GRM7: variants seen among roughly 807,000 people sequenced by gnomAD.
GRM7 encodes the protein glutamate metabotropic receptor 7.
Under a neutral mutation model 84.5 loss-of-function variants are expected in GRM7, and 35 were observed. The ratio of observed to expected loss-of-function variants is 0.41; its 90% confidence interval spans 0.32 to 0.55. GRM7 has a LOEUF of 0.55. Among genes scored for constraint, GRM7 ranks in the 20% least tolerant of loss-of-function variants. The probability of loss-of-function intolerance (pLI) is 0.19; values close to 1 mark genes in which losing one functional copy is unlikely to be tolerated. For missense variants in GRM7, 1,003 were observed against 1,194.6 expected, an observed-to-expected ratio of 0.84 and a Z score of 2.36; for synonymous variants, 487 against 455.1, an observed-to-expected ratio of 1.07 and a Z score of -0.89.
intron 1 of GRM7, among the ~76,000 whole-genome samples, chr3:6,894,833 A>T (rs966331766): frequency 1.3e-5 from 2 of 152,280 alleles, no homozygotes; most frequent in African/African-American, 4.8e-5. Flanking sequence ...AGTTGTAGAG[A>T]TGCCCTGGCT....
intron 2 of GRM7, among the ~76,000 whole-genome samples, chr3:7,234,947 A>C (rs1287862540): frequency 6.6e-6 from 1 of 152,206 alleles, no homozygotes; most frequent in Non-Finnish European, 1.5e-5. Flanking sequence ...CTTCTGCAAA[A>C]TAATGTTCAT....
intron 4 of GRM7, among the ~76,000 whole-genome samples, chr3:7,373,102 A>G (rs2324122): frequency 0.39 from 59,285 of 151,916 alleles, 11,940 homozygotes; most frequent in East Asian, 0.58. Flanking sequence ...TCTTTCAAGG[A>G]CACTCAGTAT....
intron 5 of GRM7, among the ~76,000 whole-genome samples, chr3:7,448,918 A>G (rs1252490868): frequency 1.3e-5 from 2 of 152,124 alleles, no homozygotes; most frequent in Non-Finnish European, 1.5e-5. Context: ...TTCATAGTAT[A>G]TATTTTATAA....
chr3:7,451,291 A>G (rs930970876), intron 5 of GRM7, among the ~76,000 whole-genome samples: 6 of 152,186 alleles, frequency 3.9e-5, no homozygotes, highest in Admixed American at 2.6e-4. Context: ...AAAGGTAAAA[A>G]CAAGAAAAAT....
At chr3:7,526,551 A>G (rs1187885473) in intron 7 of GRM7, among the ~76,000 whole-genome samples, 3 of 151,890 alleles carry the variant, frequency 2.0e-5, no homozygotes, top group Non-Finnish European at 4.4e-5. Context: ...TTAACTGTCA[A>G]TTTTTGTTTT....
chr3:7,492,905 T>A (rs1050615206), intron 7 of GRM7, among the ~76,000 whole-genome samples: 3 of 151,886 alleles, frequency 2.0e-5, no homozygotes, highest in Admixed American at 6.6e-5. Context: ...TTCCATGATA[T>A]TTTTTTTCCT....
At chr3:7,663,831 C>G (rs181856186) in intron 8 of GRM7, among the ~76,000 whole-genome samples, 1 of 152,120 alleles carries the variant, frequency 6.6e-6, no homozygotes, top group Non-Finnish European at 1.5e-5. Context: ...AGCCTTTATA[C>G]GAATTCCCAC....
intron 1 of GRM7, among the ~76,000 whole-genome samples, chr3:7,023,717 A>G (rs1695865584): frequency 6.6e-6 from 1 of 152,276 alleles, no homozygotes; most frequent in Middle Eastern, 3.4e-3. Context: ...CCTGCCTGTC[A>G]TCACACAGTG....
intron 2 of GRM7, among the ~76,000 whole-genome samples, chr3:7,249,878 C>T (rs949912169): frequency 6.6e-6 from 1 of 152,162 alleles, no homozygotes; most frequent in African/African-American, 2.4e-5. Context: ...TCTCTGCAAT[C>T]TCAAGTGTGT....
At chr3:7,342,598 G>T (rs1272139574) in intron 4 of GRM7, among the ~76,000 whole-genome samples, 1 of 152,150 alleles carries the variant, frequency 6.6e-6, no homozygotes, top group African/African-American at 2.4e-5. Context: ...CCAAACTTTA[G>T]CCTACTTTAA....
Position 6,863,366 on chromosome 3 carries a change from C to T in GRM7, c.519+1459C>T, listed in dbSNP as rs1382438488. Among the ~76,000 whole-genome samples, 1 of 152,114 alleles carries T rather than the reference C, an allele frequency of 6.6e-6. No individual in the cohort carries two copies. The highest frequency in any genetic ancestry group is 1.9e-4 in the East Asian group (1 of 5,172). On this transcript the variant is annotated intron_variant, in intron 1 of 9. Coordinates refer to ENST00000357716, the MANE Select transcript of GRM7 (RefSeq NM_000844.4). The surrounding 1 kb of genome is among the most constrained non-coding windows in gnomAD (Gnocchi z 4.8). ...AACCGGCCCCTCTCAAGTGCTTTCCCAAAAGGTGTTGGGCTTCAGAAGGGG... is the reference window on the plus strand; with the variant it reads ...AACCGGCCCCTCTCAAGTGCTTTCCTAAAAGGTGTTGGGCTTCAGAAGGGG...
chr3:7,096,996 T>C (rs1169227754), intron 1 of GRM7, among the ~76,000 whole-genome samples: 1 of 152,158 alleles, frequency 6.6e-6, no homozygotes, highest in Non-Finnish European at 1.5e-5. Flanking sequence ...CCAACTGAAT[T>C]GTAGCTGATT....
intron 2 of GRM7, among the ~76,000 whole-genome samples, chr3:7,156,009 G>C (rs771904978): frequency 1.3e-5 from 2 of 152,040 alleles, no homozygotes; most frequent in African/African-American, 4.8e-5. Flanking sequence ...TTTTACATTT[G>C]GCATTAGTTG....
At chr3:7,652,130 C>G (rs2125115203) in intron 8 of GRM7, among the ~76,000 whole-genome samples, 1 of 152,310 alleles carries the variant, frequency 6.6e-6, no homozygotes, top group South Asian at 2.1e-4. Flanking sequence ...CTGGCTTGTT[C>G]TGAATAGTAT....
intron 1 of GRM7, among the ~76,000 whole-genome samples, chr3:7,003,065 A>C (rs374167628): frequency 1.6e-4 from 25 of 152,156 alleles, no homozygotes; most frequent in East Asian, 9.6e-4. Flanking sequence ...CAGAGTAGAA[A>C]GTGTTAACAG....
chr3:7,609,328 G>A (rs1422149676), intron 8 of GRM7, among the ~76,000 whole-genome samples: 3 of 152,072 alleles, frequency 2.0e-5, no homozygotes, highest in East Asian at 3.9e-4. Context: ...GAGGAAAGTG[G>A]GGTCCATAAA....
chr3:7,364,564 C>T (rs1193899050), intron 4 of GRM7, among the ~76,000 whole-genome samples: 5 of 151,150 alleles, frequency 3.3e-5, no homozygotes, highest in Non-Finnish European at 7.4e-5. Context: ...ACTCATTTTT[C>T]CTCCTATCAG....
intron 7 of GRM7, among the ~76,000 whole-genome samples, chr3:7,480,356 A>G (rs1018667619): frequency 2.6e-5 from 4 of 152,186 alleles, no homozygotes; most frequent in African/African-American, 9.7e-5. Flanking sequence ...TGATATATAG[A>G]AAAAGGAAGG....
At chr3:7,682,528 C>G (rs570356976) in intron 9 of GRM7, among the ~76,000 whole-genome samples, 17 of 147,286 alleles carry the variant, frequency 1.2e-4, no homozygotes, top group Admixed American at 1.0e-3. Flanking sequence ...CCAATAACAG[C>G]TTTATTTTTG....
Sources: gnomAD v4.1 joint callset for allele counts (sites outside exome capture counted in the v4.1 genomes callset) on GRCh38, gnomAD v4.1.1 for gene constraint, Gnocchi (gnomAD v3.1) non-coding constraint, MANE v1.5 for transcripts, NCBI Gene and HGNC (gene_info 2026-07-23, HGNC 2026-07-21) for gene names.